Variants in GRM7 observed in about 807,000 individuals in gnomAD.
GRM7 encodes glutamate metabotropic receptor 7.
GRM7 carries 35 observed loss-of-function variants against 84.5 expected under a neutral mutation model. The ratio of observed to expected loss-of-function variants is 0.41; its 90% CI spans 0.32 to 0.55. GRM7 has a LOEUF of 0.55. Among genes scored for constraint, GRM7 ranks in the 20% least tolerant of loss-of-function variants. GRM7 has a pLI of 0.19. For synonymous variants in GRM7, 487 were observed against 455.1 expected (o/e 1.07, Z -0.89); for missense variants, 1,003 against 1,194.6 (o/e 0.84, Z 2.36).
chr3:6,984,980 G>A (rs1212451079), intron 1 of GRM7, among the ~76,000 whole-genome samples: 1 of 152,152 alleles, frequency 6.6e-6, no homozygotes. Flanking sequence ...TTTCTTCAGC[G>A]TCAGACAGAG....
intron 2 of GRM7, among the ~76,000 whole-genome samples, chr3:7,171,318 T>G (rs1694976103): frequency 6.6e-6 from 1 of 152,100 alleles, no homozygotes; most frequent in Non-Finnish European, 1.5e-5. Context: ...ATATCATGCA[T>G]TCCAGATTAG....
At chr3:7,518,012 G>C (rs556078182) in intron 7 of GRM7, among the ~76,000 whole-genome samples, 1 of 152,298 alleles carries the variant, frequency 6.6e-6, no homozygotes, top group South Asian at 2.1e-4. Flanking sequence ...AGAGGACTTG[G>C]TTGGGGTGGC....
At chr3:7,708,477 C>T (rs911496649) in intron 9 of GRM7, among the ~76,000 whole-genome samples, 4 of 152,194 alleles carry the variant, frequency 2.6e-5, no homozygotes, top group Admixed American at 6.5e-5. Context: ...AGAGAGGTGA[C>T]GTCTGATCCA....
At position 7,250,460 on chromosome 3, in the gene GRM7, T is replaced by C. The variant is rs901138041; in HGVS notation, c.737-48224T>C. ...TAAACATTTATTGCTATTATATATA[T>C]ATGTGTGTGCCTATACACATATATA... On this transcript the variant is annotated intron_variant, in intron 2 of 9. Transcript: ENST00000357716. 5.9e-5 allele frequency among the ~76,000 whole-genome samples: 9 copies of C among 151,898 alleles called. 1 individual carries two copies. In the South Asian group the frequency reaches 1.2e-3, roughly 21 times the overall value.
At chr3:6,944,842 A>G (rs1175116689) in intron 1 of GRM7, among the ~76,000 whole-genome samples, 4 of 152,056 alleles carry the variant, frequency 2.6e-5, no homozygotes, top group African/African-American at 9.7e-5. Context: ...TCACAAGTTC[A>G]TTTTCAGCCT....
chr3:7,290,455 T>C (rs1157519380), intron 2 of GRM7, among the ~76,000 whole-genome samples: 3 of 152,216 alleles, frequency 2.0e-5, no homozygotes, highest in Non-Finnish European at 4.4e-5. Flanking sequence ...GTGCCTGAGA[T>C]AAAATGATAA....
chr3:7,286,711 A>G (rs1201991750), intron 2 of GRM7, among the ~76,000 whole-genome samples: 2 of 152,118 alleles, frequency 1.3e-5, no homozygotes, highest in African/African-American at 2.4e-5. Context: ...GGATCTCTGC[A>G]TGCATGTCTC....
rs74710996 is a variant in GRM7, at chr3:6,929,810, C to T, written c.519+67903C>T. ...GTGTAGGGAAGGTGAAAGATGCTGA[C>T]GGCACACACTGTCCAGGTGCTGTCA... On this transcript the variant is annotated intron_variant, in intron 1 of 9. Transcript: ENST00000357716. Among the ~76,000 whole-genome samples the T allele has an allele frequency of 1.8e-4, 28 of 152,182 alleles. No homozygotes were observed. The East Asian group carries it at 4.8e-3, about 26-fold the overall frequency.
intron 7 of GRM7, among the ~76,000 whole-genome samples, chr3:7,549,790 T>A (rs1693357138): frequency 6.6e-6 from 1 of 152,186 alleles, no homozygotes; most frequent in African/African-American, 2.4e-5. Flanking sequence ...GAAGACAAAC[T>A]TTCCCAATTC....
chr3:6,921,169 G>A (rs1464883483), intron 1 of GRM7, among the ~76,000 whole-genome samples: 1 of 152,202 alleles, frequency 6.6e-6, no homozygotes, highest in Non-Finnish European at 1.5e-5. Context: ...CTAGCTCCCA[G>A]CAGGAACAAA....
chr3:6,876,850 C>A (rs541155433), intron 1 of GRM7, among the ~76,000 whole-genome samples: 10 of 152,250 alleles, frequency 6.6e-5, no homozygotes, highest in African/African-American at 2.4e-4. Flanking sequence ...GATCCACCTG[C>A]TTCAGCCTTC....
At chr3:7,635,776 C>T (rs1008354286) in intron 8 of GRM7, among the ~76,000 whole-genome samples, 12 of 152,224 alleles carry the variant, frequency 7.9e-5, no homozygotes, top group African/African-American at 2.2e-4. Flanking sequence ...GGGACTCAAG[C>T]GATCTTCCTG....
chr3:7,257,310 G>T (rs1421079835), intron 2 of GRM7, among the ~76,000 whole-genome samples: 1 of 152,162 alleles, frequency 6.6e-6, no homozygotes, highest in African/African-American at 2.4e-5. Flanking sequence ...CATCCACCCA[G>T]AAAGTTATTC....
intron 2 of GRM7, among the ~76,000 whole-genome samples, chr3:7,251,890 C>G (rs1365755170): frequency 6.6e-6 from 1 of 152,152 alleles, no homozygotes; most frequent in Non-Finnish European, 1.5e-5. Context: ...ATAGTTATTA[C>G]TATTCCATTT....
chr3:7,449,959 T>TAA, intron 5 of GRM7, among the ~76,000 whole-genome samples: 1 of 152,186 alleles, frequency 6.6e-6, no homozygotes, highest in Non-Finnish European at 1.5e-5. Context: ...TCAATGCATT[T>TAA]TATTAGAAAG....
At chr3:7,064,906 T>C (rs1697595936) in intron 1 of GRM7, among the ~76,000 whole-genome samples, 1 of 151,914 alleles carries the variant, frequency 6.6e-6, no homozygotes, top group Admixed American at 6.6e-5. Context: ...TGGTATTGCA[T>C]TGTGGTTTTG....
intron 7 of GRM7, among the ~76,000 whole-genome samples, chr3:7,474,219 A>G (rs1698826859): frequency 6.6e-6 from 1 of 152,182 alleles, no homozygotes; most frequent in Admixed American, 6.5e-5. Flanking sequence ...AGACAATTCC[A>G]TAATTGGTGC....
intron 4 of GRM7, among the ~76,000 whole-genome samples, chr3:7,335,526 C>A (rs1430617299): frequency 6.6e-6 from 1 of 151,728 alleles, no homozygotes; most frequent in Non-Finnish European, 1.5e-5. Flanking sequence ...AAACCAAAAC[C>A]CAACCCAGCA....
At chr3:7,333,259 G>A (rs1303108454) in intron 4 of GRM7, among the ~76,000 whole-genome samples, 1 of 152,082 alleles carries the variant, frequency 6.6e-6, no homozygotes, top group Non-Finnish European at 1.5e-5. Context: ...TTACTCCCCT[G>A]CTACCTCCAC....
Sources: gnomAD v4.1 joint callset for allele counts (sites outside exome capture counted in the v4.1 genomes callset) on GRCh38, gnomAD v4.1.1 for gene constraint, MANE v1.5 for transcripts, NCBI Gene and HGNC (gene_info 2026-07-23, HGNC 2026-07-21) for gene names.